CTCF: variants seen among roughly 807,000 people sequenced by gnomAD.
The protein encoded by CTCF is CCCTC-binding factor, also known as transcriptional repressor CTCF.
A neutral mutation model predicts 72.3 loss-of-function variants in CTCF; 7 were observed. The observed-to-expected ratio is 0.10, with a 90% CI of 0.06 to 0.18. The LOEUF (loss-of-function observed/expected upper bound fraction) is 0.18. CTCF is among the 10% of genes least tolerant of loss of function. The pLI is 1.00. For missense variants in CTCF, 516 were observed against 949.1 expected, an observed-to-expected ratio of 0.54 and a Z score of 6.00; for synonymous variants, 374 against 315.8, an observed-to-expected ratio of 1.18 and a Z score of -1.95.
intron 10 of CTCF, among the ~76,000 whole-genome samples, chr16:67,629,769 TTTTTTTTTTTTTTTTTTTTTTTTG>T: frequency 1.3e-5 from 1 of 77,666 alleles, no homozygotes; most frequent in Non-Finnish European, 2.6e-5. Flanking sequence ...TTTTTTTTTT[TTTTTTTTTTTTTTTTTTTTTTTTG>T]AGACGGAGTC....
intron 1 of CTCF, chr16:67,563,364 C>T (rs1485731690): frequency 6.6e-6 from 1 of 152,234 alleles, no homozygotes; most frequent in Non-Finnish European, 1.5e-5. Flanking sequence ...GCGTCGCCGC[C>T]GCTGGTCTCC....
chr16:67,638,499 A>T lies in CTCF; in HGVS notation c.*627A>T. The T allele has an allele frequency of 4.4e-6, 1 of 226,052 alleles. No individual in the cohort carries two copies. 14.0% of individuals were successfully genotyped at this position (226,052 alleles called of 1,614,324 possible). A position where few individuals can be genotyped will look rare whatever the true frequency, so the allele number is the denominator to read the frequency against. On this transcript the variant is annotated 3_prime_UTR_variant, in exon 12 of 12. Transcript: ENST00000264010. Reference sequence around the variant, plus strand: ...AAAGAAGTGCAGTGTAAGAAAACCCAGCATTTTAATTACTTGCAAATTAAG... The same window carrying T: ...AAAGAAGTGCAGTGTAAGAAAACCCTGCATTTTAATTACTTGCAAATTAAG...
At chr16:67,583,543 C>T (rs560674767) in intron 2 of CTCF, among the ~76,000 whole-genome samples, 36 of 151,966 alleles carry the variant, frequency 2.4e-4, no homozygotes, top group Non-Finnish European at 4.4e-4. Context: ...AAAACTTAGC[C>T]GGGTGTAGTG....
In CTCF at chr16:67,621,425, C is replaced by A. The variant is rs767385520; in HGVS notation, c.1208-17C>A. ...TATTCATTTCATTTATGTGTTCATTCTGTATTTTCTTTAAAGGGGAAAAGC... is the reference window on the plus strand; with the variant it reads ...TATTCATTTCATTTATGTGTTCATTATGTATTTTCTTTAAAGGGGAAAAGC... On this transcript the variant is annotated splice_polypyrimidine_tract_variant and intron_variant, in intron 6 of 11. Transcript: ENST00000264010. The A allele has an allele frequency of 4.5e-6, 7 of 1,560,384 alleles. No individual in the cohort carries two copies.
At chr16:67,564,625 ATTC>A (rs1358815897) in intron 1 of CTCF, among the ~76,000 whole-genome samples, 3 of 152,294 alleles carry the variant, frequency 2.0e-5, no homozygotes, top group Non-Finnish European at 4.4e-5. Context: ...AATTTATTGC[ATTC>A]TTTTGTGACT....
At chr16:67,593,009 G>A (rs1465020673) in intron 2 of CTCF, among the ~76,000 whole-genome samples, 1 of 150,600 alleles carries the variant, frequency 6.6e-6, no homozygotes, top group East Asian at 1.9e-4. Context: ...CTGGGTGACA[G>A]AGTGAAACTC....
intron 7 of CTCF, among the ~76,000 whole-genome samples, chr16:67,625,839 T>C (rs1195757104): frequency 9.2e-6 from 1 of 108,738 alleles, no homozygotes; most frequent in African/African-American, 3.6e-5. Flanking sequence ...AAATAACACA[T>C]ACAACTTGGT....
At chr16:67,582,681 A>G (rs2142745464) in intron 2 of CTCF, among the ~76,000 whole-genome samples, 1 of 152,250 alleles carries the variant, frequency 6.6e-6, no homozygotes, top group South Asian at 2.1e-4. Context: ...CAACAGAGTG[A>G]GACTCTGTGT....
chr16:67,602,860 A>AG (rs1567604696), intron 2 of CTCF, among the ~76,000 whole-genome samples: 1 of 151,466 alleles, frequency 6.6e-6, no homozygotes, highest in South Asian at 2.1e-4. Flanking sequence ...AAAAAAAAAA[A>AG]AGAGAAGAAA....
intron 2 of CTCF, among the ~76,000 whole-genome samples, chr16:67,592,732 T>A (rs1292989981): frequency 6.7e-6 from 1 of 149,730 alleles, no homozygotes; most frequent in Non-Finnish European, 1.5e-5. Flanking sequence ...AAAAAGATAC[T>A]TACAGAGGCC....
chr16:67,629,745 C>CTTTTTTTTTTTTTT (rs1567616725), intron 10 of CTCF, among the ~76,000 whole-genome samples: 7 of 85,030 alleles, frequency 8.2e-5, no homozygotes, highest in Non-Finnish European at 1.4e-4. Context: ...TCATTAATGC[C>CTTTTTTTTTTTTTT]CTTTTTTTTT....
At chr16:67,603,619 TA>T (rs1399316152) in intron 2 of CTCF, among the ~76,000 whole-genome samples, 6 of 149,982 alleles carry the variant, frequency 4.0e-5, no homozygotes, top group Non-Finnish European at 8.9e-5. Context: ...GGTCAGGAGA[TA>T]AGAGACCATC....
At chr16:67,590,035 C>T (rs1400463793) in intron 2 of CTCF, among the ~76,000 whole-genome samples, 1 of 151,874 alleles carries the variant, frequency 6.6e-6, no homozygotes, top group African/African-American at 2.4e-5. Flanking sequence ...TGCAGTGAGC[C>T]AAGATGGCGC....
At chr16:67,619,295 G>T (rs1201591645) in intron 5 of CTCF, among the ~76,000 whole-genome samples, 6 of 152,118 alleles carry the variant, frequency 3.9e-5, no homozygotes, top group Non-Finnish European at 7.3e-5. Context: ...AGTTAGCCAG[G>T]CCTGGTGGCG....
rs71145978 is a variant in CTCF, at chr16:67,629,746, C to CTTTTTTTTTTTTT, written c.1837+247_1837+259dup. 3.0e-4 allele frequency among the ~76,000 whole-genome samples: 19 copies of CTTTTTTTTTTTTT among 63,360 alleles called. 7 individuals are homozygous for CTTTTTTTTTTTTT. The highest frequency in any genetic ancestry group is 1.1e-3 in the East Asian group (2 of 1,868). The allele number at this position is 63,360 out of a possible 152,430, so 41.6% of individuals were successfully genotyped here. On this transcript the variant is annotated intron_variant, in intron 10 of 11. Transcript: ENST00000264010. ...TCGTGGCATTCCGCTCATTAATGCC[C>CTTTTTTTTTTTTT]TTTTTTTTTTTTTTTTTTTTTTTTT... is the stretch of plus-strand genomic sequence containing the variant.
chr16:67,595,434 A>G (rs746999394), intron 2 of CTCF, among the ~76,000 whole-genome samples: 9 of 152,216 alleles, frequency 5.9e-5, no homozygotes, highest in Non-Finnish European at 1.2e-4. Context: ...TTATCAGAGA[A>G]GTCATTTTTG....
chr16:67,595,827 A>G (rs1597699622), intron 2 of CTCF, among the ~76,000 whole-genome samples: 1 of 152,080 alleles, frequency 6.6e-6, no homozygotes, highest in East Asian at 1.9e-4. Context: ...TTTTCTCCAT[A>G]TTATGTATTA....
intron 2 of CTCF, among the ~76,000 whole-genome samples, chr16:67,602,906 A>G (rs923654194): frequency 1.1e-4 from 17 of 152,010 alleles, no homozygotes; most frequent in Non-Finnish European, 1.9e-4. Context: ...ATAAAGTTAA[A>G]TTGCAAAATC....
rs1350861432 is a variant in CTCF, at chr16:67,629,254, C to T, written c.1702-144C>T. The stretch of plus-strand genomic sequence containing the variant: ...AGAGAACCCAGCCTTATCCATTTCC[C>T]CTGAGCAGAGACAGCGTGTTCAGGA... On this transcript the variant is annotated intron_variant, in intron 9 of 11. Coordinates refer to ENST00000264010, the MANE Select transcript of CTCF (RefSeq NM_006565.4). 7.0e-6 allele frequency: 5 copies of T among 711,138 alleles called. No homozygotes were observed. The African/African-American group carries it at 7.3e-5, about 10-fold the overall frequency. The allele number at this position is 711,138 out of a possible 1,614,324, so 44.1% of individuals were successfully genotyped here.
Sources: gnomAD v4.1 joint callset for allele counts (sites outside exome capture counted in the v4.1 genomes callset) on GRCh38, gnomAD v4.1.1 for gene constraint, MANE v1.5 for transcripts, NCBI Gene and HGNC (gene_info 2026-07-23, HGNC 2026-07-21) for gene names.